Variants in SLC2A12 observed in about 807,000 individuals in gnomAD.
SLC2A12 encodes the protein solute carrier family 2, facilitated glucose transporter member 12.
Under a neutral mutation model 41.8 loss-of-function variants are expected in SLC2A12, and 23 were observed. The ratio of observed to expected loss-of-function variants is 0.55; its 90% CI spans 0.40 to 0.78. The LOEUF is 0.78. SLC2A12 is among the 30% of genes least tolerant of loss of function. The probability of loss-of-function intolerance (pLI) is 0.00; values close to 1 mark genes in which losing one functional copy is unlikely to be tolerated. For missense variants in SLC2A12, 654 were observed against 745.6 expected (o/e 0.88, Z 1.43); for synonymous variants, 295 against 285.9 (o/e 1.03, Z -0.32).
intron 3 of SLC2A12, among the ~76,000 whole-genome samples, chr6:134,005,032 A>G (rs1776795529): frequency 1.3e-5 from 2 of 152,134 alleles, no homozygotes; most frequent in African/African-American, 4.8e-5. Flanking sequence ...GGCTTTATTT[A>G]TTTATTTTAG....
chr6:134,003,871 A>G (rs1307682651), intron 3 of SLC2A12, among the ~76,000 whole-genome samples: 1 of 152,248 alleles, frequency 6.6e-6, no homozygotes, highest in Non-Finnish European at 1.5e-5. Context: ...TACAGCTGAA[A>G]TTGCATAAAA....
At chr6:134,004,941 G>A (rs541436001) in intron 3 of SLC2A12, among the ~76,000 whole-genome samples, 18 of 152,252 alleles carry the variant, frequency 1.2e-4, no homozygotes, top group African/African-American at 3.9e-4. Flanking sequence ...CAGTTCACAC[G>A]GCAGCAGCTG....
intron 2 of SLC2A12, among the ~76,000 whole-genome samples, chr6:134,010,877 CT>C (rs1776872109): frequency 6.6e-6 from 1 of 152,186 alleles, no homozygotes; most frequent in Non-Finnish European, 1.5e-5. Context: ...GTGTTTCCCC[CT>C]CCTACCTATT....
intron 4 of SLC2A12, among the ~76,000 whole-genome samples, chr6:133,994,247 G>A (rs1776656348): frequency 6.6e-6 from 1 of 152,244 alleles, no homozygotes; most frequent in Non-Finnish European, 1.5e-5. Context: ...ATCAACTGAG[G>A]TGGGTAAGGC....
intron 4 of SLC2A12, among the ~76,000 whole-genome samples, chr6:134,001,613 T>C (rs1030765566): frequency 6.6e-6 from 1 of 152,182 alleles, no homozygotes; most frequent in African/African-American, 2.4e-5. Context: ...TAATGAATAA[T>C]AGCATTACAG....
chr6:134,022,154 T>C (rs1166513574), intron 2 of SLC2A12, among the ~76,000 whole-genome samples: 2 of 151,808 alleles, frequency 1.3e-5, no homozygotes, highest in South Asian at 2.1e-4. Flanking sequence ...ACATAGGTGA[T>C]ATAGAAGCAG....
chr6:134,008,580 C>T (rs1294056446), intron 2 of SLC2A12, among the ~76,000 whole-genome samples: 8 of 152,110 alleles, frequency 5.3e-5, no homozygotes, highest in African/African-American at 1.4e-4. Context: ...TTGGTGGAAT[C>T]GCTTTACTTT....
At chr6:134,021,014 G>A (rs1291182823) in intron 2 of SLC2A12, among the ~76,000 whole-genome samples, 1 of 152,142 alleles carries the variant, frequency 6.6e-6, no homozygotes, top group African/African-American at 2.4e-5. Context: ...ACAAAGAAAT[G>A]CCTAAATATC....
chr6:134,012,043 C>T (rs577228818), intron 2 of SLC2A12, among the ~76,000 whole-genome samples: 203 of 152,086 alleles, frequency 1.3e-3, no homozygotes, highest in Non-Finnish European at 2.0e-3. Flanking sequence ...CTGCCTCCCC[C>T]AAAATAAATA....
At chr6:134,031,661 T>C (rs1777209400) in intron 1 of SLC2A12, among the ~76,000 whole-genome samples, 1 of 151,896 alleles carries the variant, frequency 6.6e-6, no homozygotes, top group Non-Finnish European at 1.5e-5. Context: ...TGGTTGTGAG[T>C]GGTGATAAGA....
At chr6:134,023,841 G>A (rs977626376) in intron 2 of SLC2A12, among the ~76,000 whole-genome samples, 32 of 152,146 alleles carry the variant, frequency 2.1e-4, no homozygotes, top group African/African-American at 7.2e-5. Context: ...CCACAGTCAC[G>A]TGTATTCTCT....
In SLC2A12 at chr6:134,006,182, A is replaced by AC. The variant is rs1562192576; in HGVS notation, c.1567+629_1567+630insG. Among the ~76,000 whole-genome samples the AC allele has an allele frequency of 5.7e-4, 81 of 142,958 alleles. 1 individual carries two copies. The highest frequency in any genetic ancestry group is 2.0e-3 in the African/African-American group (79 of 39,060). 93.8% of individuals were successfully genotyped at this position (142,958 alleles called of 152,430 possible). A position where few individuals can be genotyped will look rare whatever the true frequency, so the allele number is the denominator to read the frequency against. On this transcript the variant is annotated intron_variant, in intron 3 of 4. Transcript: ENST00000275230. ...CAACAGAGAGAGACTATCGGAAAAA[A>AC]AAAAAAAAAACAAAAAAAAAAACAG...
chr6:133,991,334 A>G (rs1448971024), intron 4 of SLC2A12, 26 bp from the exon 5 acceptor site: 3 of 1,605,470 alleles, frequency 1.9e-6, no homozygotes, highest in African/African-American at 2.7e-5. Context: ...GCACTAATGA[A>G]AATGTCATTC....
intron 1 of SLC2A12, among the ~76,000 whole-genome samples, chr6:134,043,510 T>A (rs1777412315): frequency 6.6e-6 from 1 of 152,066 alleles, no homozygotes; most frequent in Admixed American, 6.6e-5. Flanking sequence ...TCTTGATTTC[T>A]CAGGCCAGGT....
In SLC2A12 at chr6:133,988,840, GA is replaced by G. The variant is rs1229042322; in HGVS notation, c.*2314del. The stretch of plus-strand genomic sequence containing the variant: ...TACAAGCTCACTGTTTTAAAGACTT[GA>G]CATTTTTCATTTAGTTTTAATTAAC... On this transcript the variant is annotated 3_prime_UTR_variant, in exon 5 of 5. Transcript: ENST00000275230. The G allele has an allele frequency of 6.6e-6, 1 of 151,940 alleles. No individual in the cohort carries two copies. The highest frequency in any genetic ancestry group is 2.4e-5 in the African/African-American group (1 of 41,372). The allele number at this position is 151,940 out of a possible 1,614,324, so 9.4% of individuals were successfully genotyped here. A position where few individuals can be genotyped will look rare whatever the true frequency, so the allele number is the denominator to read the frequency against.
chr6:134,044,476 G>A (rs1777427734), intron 1 of SLC2A12, among the ~76,000 whole-genome samples: 1 of 152,192 alleles, frequency 6.6e-6, no homozygotes, highest in Admixed American at 6.5e-5. Flanking sequence ...CACTTTGGGA[G>A]GCCGAGGTGG....
At chr6:134,049,088 A>C (rs755023534) in intron 1 of SLC2A12, among the ~76,000 whole-genome samples, 54 of 152,224 alleles carry the variant, frequency 3.5e-4, no homozygotes, top group Admixed American at 2.2e-3. Flanking sequence ...TTTAGGAAAA[A>C]GGAGTTCACA....
At chr6:134,021,277 C>T (rs1243278280) in intron 2 of SLC2A12, among the ~76,000 whole-genome samples, 3 of 152,134 alleles carry the variant, frequency 2.0e-5, no homozygotes, top group Non-Finnish European at 4.4e-5. Flanking sequence ...ATGTCTGCAT[C>T]GTATTTTTAA....
intron 2 of SLC2A12, among the ~76,000 whole-genome samples, chr6:134,017,091 T>A (rs1008178293): frequency 3.3e-5 from 5 of 152,180 alleles, no homozygotes; most frequent in Non-Finnish European, 5.9e-5. Context: ...GGAAGCTGGG[T>A]CTCATATTTG....
Sources: gnomAD v4.1 joint callset for allele counts (sites outside exome capture counted in the v4.1 genomes callset) on GRCh38, gnomAD v4.1.1 for gene constraint, MANE v1.5 for transcripts, NCBI Gene and HGNC (gene_info 2026-07-23, HGNC 2026-07-21) for gene names.